Variants in CSMD1 observed in about 807,000 individuals in gnomAD.
CSMD1 encodes the protein CUB and sushi domain-containing protein 1.
Under a neutral mutation model 417.5 loss-of-function variants are expected in CSMD1, and 213 were observed. That is an observed-to-expected ratio of 0.51 (90% CI 0.46 to 0.57). The LOEUF (loss-of-function observed/expected upper bound fraction) is 0.57, where lower values mean the gene tolerates loss of function less well. CSMD1 is among the 20% of genes least tolerant of loss of function. The probability of loss-of-function intolerance (pLI) is 0.00; values close to 1 mark genes in which losing one functional copy is unlikely to be tolerated. For synonymous variants in CSMD1, 2,862 were observed against 1,736.8 expected, an observed-to-expected ratio of 1.65 and a Z score of -16.11; for missense variants, 6,923 against 4,529.7, an observed-to-expected ratio of 1.53 and a Z score of -15.17.
intron 26 of CSMD1, among the ~76,000 whole-genome samples, chr8:3,282,195 G>C (rs987305425): frequency 6.6e-6 from 1 of 152,080 alleles, no homozygotes; most frequent in Non-Finnish European, 1.5e-5. Flanking sequence ...AGTGAACCCG[G>C]AGAAAACTGT....
intron 8 of CSMD1, among the ~76,000 whole-genome samples, chr8:3,609,264 C>A (rs1801772220): frequency 6.6e-6 from 1 of 152,142 alleles, no homozygotes; most frequent in Non-Finnish European, 1.5e-5. Flanking sequence ...GATGACAGTA[C>A]CCACCCATAA....
intron 10 of CSMD1, among the ~76,000 whole-genome samples, chr8:3,528,115 A>C (rs1378472745): frequency 6.6e-6 from 1 of 152,232 alleles, no homozygotes; most frequent in East Asian, 1.9e-4. Context: ...AATACTGGAA[A>C]GTGATTCTTT....
At chr8:4,857,305 G>C (rs1475939792) in intron 1 of CSMD1, among the ~76,000 whole-genome samples, 6 of 149,182 alleles carry the variant, frequency 4.0e-5, no homozygotes, top group African/African-American at 1.5e-4. Context: ...ATGCCCACAA[G>C]AGAAAGCAGG....
At chr8:3,310,194 T>C (rs1805215242) in intron 23 of CSMD1, among the ~76,000 whole-genome samples, 2 of 152,192 alleles carry the variant, frequency 1.3e-5, no homozygotes, top group African/African-American at 2.4e-5. Context: ...CACTGCATAA[T>C]GCCAAGAAGA....
At chr8:4,355,936 TG>T (rs1346814370) in intron 3 of CSMD1, among the ~76,000 whole-genome samples, 3 of 152,226 alleles carry the variant, frequency 2.0e-5, no homozygotes, top group Non-Finnish European at 2.9e-5. Flanking sequence ...TGTTTTGTTT[TG>T]TTTGTAGAAT....
At chr8:4,543,117 C>G (rs1278772722) in intron 2 of CSMD1, among the ~76,000 whole-genome samples, 1 of 152,196 alleles carries the variant, frequency 6.6e-6, no homozygotes, top group Non-Finnish European at 1.5e-5. Context: ...TAGTGTGGCA[C>G]ATTTATTACA....
At chr8:3,996,393 G>A (rs566066416) in intron 5 of CSMD1, among the ~76,000 whole-genome samples, 1 of 152,070 alleles carries the variant, frequency 6.6e-6, no homozygotes, top group Non-Finnish European at 1.5e-5. Flanking sequence ...ATCTTTAAAT[G>A]ATTAGTAGAG....
At chr8:4,053,462 G>A (rs969762482) in intron 3 of CSMD1, among the ~76,000 whole-genome samples, 57 of 149,780 alleles carry the variant, frequency 3.8e-4, no homozygotes, top group Non-Finnish European at 3.0e-4. Context: ...CCCTACTGAA[G>A]TTCAAGGTTT....
chr8:4,881,539 T>G (rs1803401526), intron 1 of CSMD1, among the ~76,000 whole-genome samples: 1 of 151,604 alleles, frequency 6.6e-6, no homozygotes, highest in Non-Finnish European at 1.5e-5. Flanking sequence ...GTTAGTTTTT[T>G]TTTTTTTTTT....
chr8:3,947,081 A>G (rs1011815662), intron 5 of CSMD1, among the ~76,000 whole-genome samples: 3 of 152,170 alleles, frequency 2.0e-5, no homozygotes, highest in African/African-American at 4.8e-5. Context: ...AATAGTTGTA[A>G]AAGTGGATAT....
At chr8:3,522,744 G>T (rs1010072472) in intron 10 of CSMD1, among the ~76,000 whole-genome samples, 2 of 151,786 alleles carry the variant, frequency 1.3e-5, no homozygotes, top group Non-Finnish European at 2.9e-5. Context: ...TGGCATTCGG[G>T]AACTACAAAG....
rs544816057 is a variant in CSMD1, at chr8:2,984,728, T to C, written c.8378-5928A>G. On this transcript the variant is annotated intron_variant, in intron 54 of 69. Coordinates refer to ENST00000635120, the MANE Select transcript of CSMD1 (RefSeq NM_033225.6). ...AGTTGTCAGAGACACATAGTGGTAA[T>C]TTTGGGTCTAGGAAGTCAGGAATCC... Among the ~76,000 whole-genome samples the C allele has an allele frequency of 4.6e-5, 7 of 152,330 alleles. No homozygotes were observed. In the East Asian group the frequency reaches 1.4e-3, roughly 29 times the overall value.
At chr8:3,134,663 G>A (rs140014643) in intron 41 of CSMD1, among the ~76,000 whole-genome samples, 16 of 152,274 alleles carry the variant, frequency 1.1e-4, no homozygotes, top group East Asian at 9.6e-4. Context: ...TGACTAAATC[G>A]TTGGATTTAG....
At chr8:4,442,170 T>C (rs1393723741) in intron 2 of CSMD1, among the ~76,000 whole-genome samples, 1 of 152,194 alleles carries the variant, frequency 6.6e-6, no homozygotes, top group African/African-American at 2.4e-5. Flanking sequence ...CAGCTTCAAA[T>C]GCAGGCAAAG....
intron 2 of CSMD1, among the ~76,000 whole-genome samples, chr8:4,466,786 T>C (rs532009966): frequency 2.7e-4 from 41 of 152,134 alleles, no homozygotes; most frequent in South Asian, 1.2e-3. Flanking sequence ...TACCACCAAC[T>C]GAAATCCATA....
In CSMD1 at chr8:3,712,301, A is replaced by G. The variant is rs533959373; in HGVS notation, c.932-3810T>C. On this transcript the variant is annotated intron_variant, in intron 6 of 69. Coordinates refer to ENST00000635120, the MANE Select transcript of CSMD1 (RefSeq NM_033225.6). ...TGGGTTCTCCTCTTTTCTTCCTTCCACACCCTTCCCTCGCCTCTTCCTCCC... is the reference window on the plus strand; with the variant it reads ...TGGGTTCTCCTCTTTTCTTCCTTCCGCACCCTTCCCTCGCCTCTTCCTCCC... Among the ~76,000 whole-genome samples, 17 of 151,966 alleles carry G rather than the reference A, an allele frequency of 1.1e-4. No homozygotes were observed. The South Asian group carries it at 3.3e-3, about 30-fold the overall frequency.
intron 2 of CSMD1, among the ~76,000 whole-genome samples, chr8:4,631,778 A>G (rs1464787435): frequency 4.6e-5 from 7 of 152,212 alleles, no homozygotes; most frequent in Admixed American, 3.9e-4. Flanking sequence ...CCTCTTCATT[A>G]TCAGCATTGC....
chr8:4,358,359 C>T (rs534027751), intron 3 of CSMD1, among the ~76,000 whole-genome samples: 188 of 152,308 alleles, frequency 1.2e-3, no homozygotes, highest in Non-Finnish European at 2.2e-3. Context: ...AATGATTTTA[C>T]ACTTTTTAAT....
intron 1 of CSMD1, among the ~76,000 whole-genome samples, chr8:4,957,223 G>A (rs1041168204): frequency 6.6e-6 from 1 of 152,190 alleles, no homozygotes; most frequent in South Asian, 2.1e-4. Flanking sequence ...TTCTGCCTGG[G>A]AGCCTAATAT....
Sources: allele counts gnomAD v4.1 joint callset (sites outside exome capture counted in the v4.1 genomes callset), GRCh38; gene constraint gnomAD v4.1.1; transcripts MANE v1.5; gene names NCBI Gene and HGNC (gene_info 2026-07-23, HGNC 2026-07-21).